GRM7: variants seen among roughly 807,000 people sequenced by gnomAD.
GRM7 encodes glutamate metabotropic receptor 7.
GRM7 carries 35 observed loss-of-function variants against 84.5 expected under a neutral mutation model. The ratio of observed to expected loss-of-function variants is 0.41; its 90% CI spans 0.32 to 0.55. GRM7 has a LOEUF of 0.55. GRM7 is among the 20% of genes least tolerant of loss of function. The pLI, the probability that GRM7 is intolerant of heterozygous loss-of-function variation, is 0.19. For missense variants in GRM7, 1,003 were observed against 1,194.6 expected, an observed-to-expected ratio of 0.84 and a Z score of 2.36; for synonymous variants, 487 against 455.1, an observed-to-expected ratio of 1.07 and a Z score of -0.89.
chr3:7,677,274 A>C (rs810473), intron 8 of GRM7, among the ~76,000 whole-genome samples: 40,567 of 126,586 alleles, frequency 0.32, 3,198 homozygotes, highest in East Asian at 0.55. Context: ...AAAAAAAAAA[A>C]AAAAAAAAAA....
rs1286296205 is a variant in GRM7 at position 7,151,896 on chromosome 3, C to T, written c.736+5228C>T. On this transcript the variant is annotated intron_variant, in intron 2 of 9. Coordinates refer to ENST00000357716, the MANE Select transcript of GRM7 (RefSeq NM_000844.4). This position sits in a 1 kb window ranked among gnomAD's most constrained non-coding sequence, Gnocchi z 4.5. The stretch of plus-strand genomic sequence containing the variant: ...AACCAGGCTGTAATTCCTAATACCA[C>T]CATCTATATTGAATTCTGTTTTTTT... Among the ~76,000 whole-genome samples, 1 of 147,668 alleles carries T rather than the reference C, an allele frequency of 6.8e-6. No individual in the cohort carries two copies. The highest frequency in any genetic ancestry group is 1.5e-5 in the Non-Finnish European group (1 of 67,566).
chr3:7,024,800 T>C (rs1343660181), intron 1 of GRM7, among the ~76,000 whole-genome samples: 2 of 152,214 alleles, frequency 1.3e-5, no homozygotes, highest in African/African-American at 4.8e-5. Flanking sequence ...AAAACTCACC[T>C]GGTTAAATTG....
intron 8 of GRM7, among the ~76,000 whole-genome samples, chr3:7,608,339 C>G (rs532187308): frequency 6.1e-4 from 93 of 152,262 alleles, no homozygotes; most frequent in Admixed American, 3.9e-3. Context: ...ACACTCCCAC[C>G]AACAGTATAT....
At chr3:7,740,226 G>C in intron 9 of GRM7, 131 bp from the exon 10 acceptor site, 1 of 598,910 alleles carries the variant, frequency 1.7e-6, no homozygotes, top group South Asian at 2.3e-5. Context: ...ATCCAAAGTT[G>C]TCTGTGTGTG....
chr3:7,044,077 T>G (rs908186694), intron 1 of GRM7, among the ~76,000 whole-genome samples: 2 of 152,354 alleles, frequency 1.3e-5, no homozygotes, highest in Non-Finnish European at 2.9e-5. Context: ...TCACATCACC[T>G]TATTTTAGAA....
chr3:7,541,299 A>G (rs769870795), intron 7 of GRM7, among the ~76,000 whole-genome samples: 2 of 152,176 alleles, frequency 1.3e-5, no homozygotes, highest in Non-Finnish European at 2.9e-5. Flanking sequence ...TTAAGTAAGA[A>G]GAATAGAAAT....
chr3:7,289,355 A>T (rs1010001238), intron 2 of GRM7, among the ~76,000 whole-genome samples: 1 of 152,152 alleles, frequency 6.6e-6, no homozygotes, highest in African/African-American at 2.4e-5. Context: ...TTTGTTTGTC[A>T]TCTAAGCTTA....
chr3:7,480,038 A>G (rs1699070570), intron 7 of GRM7, among the ~76,000 whole-genome samples: 1 of 152,212 alleles, frequency 6.6e-6, no homozygotes, highest in African/African-American at 2.4e-5. Context: ...ACAAAGATGC[A>G]GTCATTAGTC....
chr3:7,177,385 G>A (rs1695187977), intron 2 of GRM7, among the ~76,000 whole-genome samples: 1 of 152,142 alleles, frequency 6.6e-6, no homozygotes, highest in Non-Finnish European at 1.5e-5. Flanking sequence ...CAGTAATTAT[G>A]TTGAAGTCAT....
intron 6 of GRM7, among the ~76,000 whole-genome samples, chr3:7,453,733 T>C (rs371142616): frequency 3.9e-5 from 6 of 151,986 alleles, no homozygotes; most frequent in African/African-American, 1.5e-4. Context: ...GAAGATTTCA[T>C]TGGAATAGGC....
At chr3:7,427,946 G>A (rs756195869) in intron 5 of GRM7, among the ~76,000 whole-genome samples, 1 of 152,088 alleles carries the variant, frequency 6.6e-6, no homozygotes, top group East Asian at 1.9e-4. Flanking sequence ...AAAACCTTAT[G>A]TTTCTTTTTG....
chr3:7,552,281 T>G (rs1693513660), intron 7 of GRM7, among the ~76,000 whole-genome samples: 1 of 152,222 alleles, frequency 6.6e-6, no homozygotes, highest in African/African-American at 2.4e-5. Flanking sequence ...TGTAGCTTTG[T>G]AGGGTACAGC....
chr3:7,351,807 G>A lies in GRM7; in HGVS notation c.1033+45155G>A, dbSNP rs533052814. On this transcript the variant is annotated intron_variant, in intron 4 of 9. Coordinates refer to ENST00000357716, the MANE Select transcript of GRM7 (RefSeq NM_000844.4). Reference sequence around the variant, plus strand: ...TTGGACTCTGAGAGTTCCACCAGCAGACTCCCAGGGGCTCTCAGGTCTTCA... The same window carrying A: ...TTGGACTCTGAGAGTTCCACCAGCAAACTCCCAGGGGCTCTCAGGTCTTCA... Among the ~76,000 whole-genome samples the A allele has an allele frequency of 4.7e-4, 72 of 151,892 alleles. 1 individual carries two copies. Among genetic ancestry groups the A allele is most frequent in the Non-Finnish European group, 2.6e-4 (18 of 67,942 alleles).
intron 7 of GRM7, among the ~76,000 whole-genome samples, chr3:7,568,297 A>G (rs993807945): frequency 1.3e-5 from 2 of 152,240 alleles, no homozygotes; most frequent in Non-Finnish European, 1.5e-5. Flanking sequence ...ATAAAGACAT[A>G]CCTGCACTGG....
At chr3:7,353,230 G>T (rs1274943432) in intron 4 of GRM7, among the ~76,000 whole-genome samples, 1 of 152,026 alleles carries the variant, frequency 6.6e-6, no homozygotes, top group Non-Finnish European at 1.5e-5. Flanking sequence ...GACTCATGAG[G>T]AAGTATACTA....
intron 9 of GRM7, among the ~76,000 whole-genome samples, chr3:7,726,527 C>G (rs922698436): frequency 6.8e-6 from 1 of 147,212 alleles, no homozygotes; most frequent in African/African-American, 2.5e-5. Flanking sequence ...TTAAAACTTA[C>G]GAATACATTG....
At position 7,120,048 on chromosome 3, in the gene GRM7, A is replaced by G. The variant is rs186371395; in HGVS notation, c.520-26404A>G. Among the ~76,000 whole-genome samples, 31 of 152,204 alleles carry G rather than the reference A, an allele frequency of 2.0e-4. No individual in the cohort carries two copies. The East Asian group carries it at 5.4e-3, about 27-fold the overall frequency. On this transcript the variant is annotated intron_variant, in intron 1 of 9. Transcript: ENST00000357716. ...CCTACAAATAAATCCTAGGAGATTGAGAGATAAAATAAACAAGCACAAAAA... is the reference window on the plus strand; with the variant it reads ...CCTACAAATAAATCCTAGGAGATTGGGAGATAAAATAAACAAGCACAAAAA...
chr3:7,019,288 G>C (rs561283282), intron 1 of GRM7, among the ~76,000 whole-genome samples: 1 of 151,954 alleles, frequency 6.6e-6, no homozygotes, highest in African/African-American at 2.4e-5. Flanking sequence ...AACCTGTATC[G>C]ATACATCATT....
intron 1 of GRM7, among the ~76,000 whole-genome samples, chr3:6,996,949 C>T (rs888387104): frequency 1.3e-5 from 2 of 152,200 alleles, no homozygotes; most frequent in African/African-American, 4.8e-5. Context: ...TACCTACAAA[C>T]ATACGGAATC....
Sources: gnomAD v4.1 joint callset for allele counts (sites outside exome capture counted in the v4.1 genomes callset) on GRCh38, gnomAD v4.1.1 for gene constraint, Gnocchi (gnomAD v3.1) non-coding constraint, MANE v1.5 for transcripts, NCBI Gene and HGNC (gene_info 2026-07-23, HGNC 2026-07-21) for gene names.